OPHN1: variants seen among roughly 807,000 people sequenced by gnomAD.
OPHN1 encodes oligophrenin 1.
A neutral mutation model predicts 60.7 loss-of-function variants in OPHN1; 11 were observed. The ratio of observed to expected loss-of-function variants is 0.18; its 90% confidence interval spans 0.11 to 0.30. The LOEUF is 0.30. Among genes scored for constraint, OPHN1 ranks in the 10% least tolerant of loss-of-function variants. The pLI is 1.00. For missense variants in OPHN1, 449 were observed against 611.0 expected, an observed-to-expected ratio of 0.73 and a Z score of 2.80; for synonymous variants, 226 against 222.6, an observed-to-expected ratio of 1.02 and a Z score of -0.14.
intron 15 of OPHN1, among the ~76,000 whole-genome samples, chrX:68,169,761 A>G (rs1288162406): frequency 2.8e-5 from 3 of 105,910 alleles, no homozygotes; most frequent in African/African-American, 1.1e-4. Flanking sequence ...CCTTCCTTAC[A>G]CCTTATACAA....
intron 2 of OPHN1, among the ~76,000 whole-genome samples, chrX:68,337,796 CAAA>C (rs757328395): frequency 6.4e-5 from 4 of 62,782 alleles, no homozygotes; most frequent in Non-Finnish European, 1.0e-4. Context: ...CACTCCAAAC[CAAA>C]AAAAAAAAAA....
At chrX:68,389,861 T>C (rs1265094233) in intron 2 of OPHN1, among the ~76,000 whole-genome samples, 1 of 110,976 alleles carries the variant, frequency 9.0e-6, no homozygotes, top group East Asian at 2.8e-4. Flanking sequence ...ATTGAGATAA[T>C]GTATGTCTAT....
intron 4 of OPHN1, among the ~76,000 whole-genome samples, chrX:68,277,707 C>T (rs2077998941): frequency 9.0e-6 from 1 of 111,677 alleles, no homozygotes; most frequent in Non-Finnish European, 1.9e-5. Flanking sequence ...AGGAGAATCA[C>T]TTGAACCCAG....
intron 2 of OPHN1, among the ~76,000 whole-genome samples, chrX:68,329,324 T>C (rs771324390): frequency 2.6e-4 from 29 of 112,530 alleles, no homozygotes; most frequent in African/African-American, 9.3e-4. Context: ...GAAATATCTG[T>C]AGTATTAACA....
chrX:68,225,687 A>T (rs1361081489), intron 6 of OPHN1, among the ~76,000 whole-genome samples: 1 of 112,366 alleles, frequency 8.9e-6, no homozygotes, highest in African/African-American at 3.2e-5. Flanking sequence ...AAACTAACAA[A>T]CAGAAAGGAC....
intron 5 of OPHN1, among the ~76,000 whole-genome samples, chrX:68,270,066 A>G (rs377659250): frequency 6.3e-5 from 7 of 110,944 alleles, no homozygotes; most frequent in African/African-American, 1.3e-4. Context: ...TTAGAATGGC[A>G]ATCATTAAAA....
At chrX:68,122,108 G>C (rs2077152855) in intron 15 of OPHN1, among the ~76,000 whole-genome samples, 1 of 111,234 alleles carries the variant, frequency 9.0e-6, no homozygotes, top group African/African-American at 3.3e-5. Context: ...TAGCTGTGGG[G>C]AGAGACTCCT....
At chrX:68,219,882 A>G (rs974339866) in intron 6 of OPHN1, among the ~76,000 whole-genome samples, 1 of 95,864 alleles carries the variant, frequency 1.0e-5, no homozygotes, top group African/African-American at 3.8e-5. Flanking sequence ...TAGAAAAGTA[A>G]GAGCAAACAC....
At chrX:68,205,686 A>G (rs1021762773) in intron 10 of OPHN1, among the ~76,000 whole-genome samples, 5 of 111,450 alleles carry the variant, frequency 4.5e-5, no homozygotes, top group Non-Finnish European at 9.4e-5. Flanking sequence ...CTTCCATGAA[A>G]AGGATCAGCA....
At chrX:68,351,791 G>A (rs1016363645) in intron 2 of OPHN1, among the ~76,000 whole-genome samples, 39 of 110,297 alleles carry the variant, frequency 3.5e-4, no homozygotes, top group Admixed American at 8.7e-4. Context: ...CCGCCTCCCG[G>A]GTTCACACCA....
intron 3 of OPHN1, among the ~76,000 whole-genome samples, chrX:68,294,117 A>C (rs751409796): frequency 9.0e-5 from 10 of 111,024 alleles, no homozygotes; most frequent in Non-Finnish European, 1.9e-4. Flanking sequence ...TGTTTATGTC[A>C]TTTAGTGGAC....
In OPHN1 at chrX:68,213,872, A is replaced by G; in HGVS notation, c.587T>C (p.Ile196Thr). 8.5e-7 allele frequency: 1 copy of G among 1,180,493 alleles called. No individual in the cohort carries two copies. The highest frequency in any genetic ancestry group is 1.8e-5 in the South Asian group (1 of 55,552). The change falls in exon 7 of 25, where the codon ATT (isoleucine) becomes ACT (threonine). Residue 196 changes from isoleucine (I) to threonine (T), a missense_variant. Ile to Thr is a moderately conservative substitution (Grantham distance 89). Coordinates refer to ENST00000355520, the MANE Select transcript of OPHN1 (RefSeq NM_002547.3). Reference sequence around the variant, plus strand: ...ACAGAGAAAACTTACAGGCTCCACAATATTGAACTTCTTGGACTCCTGAAC... The same window carrying G: ...ACAGAGAAAACTTACAGGCTCCACAGTATTGAACTTCTTGGACTCCTGAAC... The part of the protein sequence containing the change: ...QEVQESKKFN[I>T]VEPVLAFLHS...
intron 15 of OPHN1, among the ~76,000 whole-genome samples, chrX:68,146,531 ACT>A (rs2077264416): frequency 8.9e-6 from 1 of 112,310 alleles, no homozygotes; most frequent in Non-Finnish European, 1.9e-5. Context: ...TAATTTGTAT[ACT>A]CTGGGATATG....
chrX:68,083,054 CTTTTTTTTT>C (rs869083899), intron 19 of OPHN1, among the ~76,000 whole-genome samples: 448 of 37,397 alleles, frequency 0.012, no homozygotes, highest in Non-Finnish European at 0.014. Flanking sequence ...CTGCTAGTTT[CTTTTTTTTT>C]TTTTTTTTTT....
intron 2 of OPHN1, among the ~76,000 whole-genome samples, chrX:68,376,930 C>CTT (rs34240021): frequency 2.2e-5 from 2 of 90,157 alleles, no homozygotes; most frequent in Non-Finnish European, 2.1e-5. Context: ...CTCAAGTAAT[C>CTT]TTTTTTTTTT....
chrX:68,402,079 C>T (rs564184914), intron 2 of OPHN1, among the ~76,000 whole-genome samples: 1 of 111,245 alleles, frequency 9.0e-6, no homozygotes, highest in East Asian at 2.8e-4. Context: ...ATGGAATGAA[C>T]CGAAGGAGAA....
At chrX:68,330,748 T>C (rs965619947) in intron 2 of OPHN1, among the ~76,000 whole-genome samples, 4 of 109,471 alleles carry the variant, frequency 3.7e-5, no homozygotes, top group Admixed American at 1.0e-4. Context: ...GAAGTACATA[T>C]AGTATGATTC....
rs765493424 is a variant in OPHN1 at position 68,222,672 on chromosome X, G to A, written c.487-8700C>T. On this transcript the variant is annotated intron_variant, in intron 6 of 24. Transcript: ENST00000355520. ...AAATCATCATTCTCAGTAAACTATC[G>A]CAAGAACAAAAAAGCAAACACCTCA... Among the ~76,000 whole-genome samples, 16 of 105,379 alleles carry A rather than the reference G, an allele frequency of 1.5e-4. No homozygotes were observed. The East Asian group carries it at 2.8e-3, about 18-fold the overall frequency. 91.5% of individuals were successfully genotyped at this position (105,379 alleles called of 115,157 possible). A position where few individuals can be genotyped will look rare whatever the true frequency, so the allele number is the denominator to read the frequency against.
chrX:68,178,983 A>G (rs772583932), intron 15 of OPHN1, among the ~76,000 whole-genome samples: 1 of 111,947 alleles, frequency 8.9e-6, no homozygotes, highest in African/African-American at 3.2e-5. Context: ...GGATATCCCA[A>G]TTCAAAAAGT....
Sources: gnomAD v4.1 joint callset for allele counts (sites outside exome capture counted in the v4.1 genomes callset) on GRCh38, gnomAD v4.1.1 for gene constraint, MANE v1.5 for transcripts, NCBI Gene and HGNC (gene_info 2026-07-23, HGNC 2026-07-21) for gene names.